MELTF: variants seen among roughly 807,000 people sequenced by gnomAD.
The protein encoded by MELTF is melanotransferrin, also known as antigen p97 (melanoma associated) identified by monoclonal antibodies 133.2 and 96.5.
A neutral mutation model predicts 83.7 loss-of-function variants in MELTF; 67 were observed. The ratio of observed to expected loss-of-function variants is 0.80; its 90% confidence interval spans 0.66 to 0.98. MELTF has a LOEUF of 0.98. Among genes scored for constraint, MELTF ranks in the 50% least tolerant of loss-of-function variants. The pLI is 0.00. For synonymous variants in MELTF, 462 were observed against 447.6 expected (o/e 1.03, Z -0.41); for missense variants, 1,002 against 1,035.6 (o/e 0.97, Z 0.44).
intron 6 of MELTF, chr3:197,019,561 G>A (rs764485439): frequency 3.6e-5 from 56 of 1,572,118 alleles, no homozygotes; most frequent in Middle Eastern, 3.4e-4. Context: ...AACATGGTGA[G>A]ACCCCCATCT....
intron 3 of MELTF, 96 bp downstream of exon 3, chr3:197,026,564 G>A (rs1487535492): frequency 9.2e-6 from 10 of 1,083,606 alleles, no homozygotes; most frequent in Non-Finnish European, 1.3e-5. Context: ...CTGTGGACAG[G>A]GCTGATGGCC....
In MELTF at chr3:197,023,111, C is replaced by G. The variant is rs768523243; in HGVS notation, c.490G>C (p.Val164Leu). The change falls in exon 5 of 16, where the codon GTC becomes CTC. Residue 164 changes from valine (V) to leucine (L), a missense_variant and splice_region_variant. Coordinates refer to ENST00000296350, the MANE Select transcript of MELTF (RefSeq NM_005929.6). ...SVMGCDVLKAVSDYFGGSCVP... is the reference protein window; with the variant it reads ...SVMGCDVLKALSDYFGGSCVP... ...CAGCTGCCCCCAAAATAGTCGCTGA[C>G]AGCTGTGGGAAGGAGGTAGAGAGGT... is the stretch of plus-strand genomic sequence containing the variant. The G allele has an allele frequency of 7.4e-6, 12 of 1,613,482 alleles. No homozygotes were observed. The African/African-American group carries it at 1.6e-4, about 22-fold the overall frequency.
intron 9 of MELTF, among the ~76,000 whole-genome samples, chr3:197,012,688 T>G (rs1719231435): frequency 6.6e-6 from 1 of 152,262 alleles, no homozygotes; most frequent in Non-Finnish European, 1.5e-5. Flanking sequence ...CAGTCCTCCC[T>G]GACTGCAGGG....
At chr3:197,019,464 T>G in intron 6 of MELTF, 1 of 1,449,466 alleles carries the variant, frequency 6.9e-7, no homozygotes, top group East Asian at 2.3e-5. Flanking sequence ...TTGAAAAAGC[T>G]GCCAGGTGCA....
chr3:197,006,750 A>G lies in MELTF; in HGVS notation c.1751-14T>C, dbSNP rs1430907218. The G allele has an allele frequency of 6.6e-7, 1 of 1,517,934 alleles. No individual in the cohort carries two copies. 94.0% of individuals were successfully genotyped at this position (1,517,934 alleles called of 1,614,324 possible). A position where few individuals can be genotyped will look rare whatever the true frequency, so the allele number is the denominator to read the frequency against. On this transcript the variant is annotated splice_polypyrimidine_tract_variant and intron_variant, in intron 13 of 15. Transcript: ENST00000296350. This position sits in a 1 kb window ranked among gnomAD's most constrained non-coding sequence, Gnocchi z 5.4. ...CGGAATTGTGGCCTGAGGGGGGTAA[A>G]GCAGTGTGTGTGGGGACGTTCCGGG...
chr3:197,015,664 C>T lies in MELTF; in HGVS notation c.1082-148G>A, dbSNP rs61483546. The T allele has an allele frequency of 5.1e-3, 4,664 of 909,232 alleles. 255 individuals are homozygous for T. The East Asian group carries it at 0.11, about 21-fold the overall frequency. The allele number at this position is 909,232 out of a possible 1,614,324, so 56.3% of individuals were successfully genotyped here. A position where few individuals can be genotyped will look rare whatever the true frequency, so the allele number is the denominator to read the frequency against. ...AACCATCGGATCCCACTTCCTCACACAGAAAAGGGGCAACTGTGAGGCCTG... is the reference window on the plus strand; with the variant it reads ...AACCATCGGATCCCACTTCCTCACATAGAAAAGGGGCAACTGTGAGGCCTG... On this transcript the variant is annotated intron_variant, in intron 8 of 15. Transcript: ENST00000296350.
rs1718871847 is a variant in MELTF at position 197,003,822 on chromosome 3, C to T, written c.2137+79G>A. On this transcript the variant is annotated intron_variant, in intron 15 of 15. Coordinates refer to ENST00000296350, the MANE Select transcript of MELTF (RefSeq NM_005929.6). This position sits in a 1 kb window ranked among gnomAD's most constrained non-coding sequence, Gnocchi z 6.2. ...TCCACCCGCCTCCCCGGACCCGCAG[C>T]GCCCCCCGCTCCCTCAGGGTTCTGG... 4.1e-6 allele frequency: 6 copies of T among 1,467,858 alleles called. No individual in the cohort carries two copies. The highest frequency in any genetic ancestry group is 5.6e-6 in the Non-Finnish European group (6 of 1,077,560). 90.9% of individuals were successfully genotyped at this position (1,467,858 alleles called of 1,614,324 possible). A position where few individuals can be genotyped will look rare whatever the true frequency, so the allele number is the denominator to read the frequency against.
At chr3:197,021,127 A>G (rs1475344674) in intron 6 of MELTF, among the ~76,000 whole-genome samples, 2 of 152,228 alleles carry the variant, frequency 1.3e-5, no homozygotes, top group Admixed American at 1.3e-4. Context: ...CCAGAACCCA[A>G]TGCCATATTC....
At chr3:197,013,117 T>G (rs1719244634) in intron 9 of MELTF, among the ~76,000 whole-genome samples, 1 of 152,204 alleles carries the variant, frequency 6.6e-6, no homozygotes. Context: ...GGACCCTGAA[T>G]AGCCAAAGCA....
rs1370899457 is a variant in MELTF, at chr3:197,008,884, A to C, written c.1607T>G (p.Val536Gly). ...CTTGTTGCGGCCCTGCTCGTCCCCC[A>C]CGCACAGTGCACACAGCGAGGAGGG... ...NYPSSLCALCVGDEQGRNKCV... is the reference protein window; with the variant it reads ...NYPSSLCALCGGDEQGRNKCV... Residue 536 changes from valine (V) to glycine (G), a missense_variant, in exon 12 of 16, where the codon GTG (valine) becomes GGG (glycine). Physicochemically the swap from Val to Gly is moderately radical, Grantham distance 109 (BLOSUM62 -3). Transcript: ENST00000296350. This position sits in a 1 kb window ranked among gnomAD's most constrained non-coding sequence, Gnocchi z 5.4. 8 of 1,614,018 alleles carry C rather than the reference A, an allele frequency of 5.0e-6. No homozygotes were observed. In the African/African-American group the frequency reaches 5.3e-5, roughly 11 times the overall value.
chr3:197,008,582 T>C lies in MELTF; in HGVS notation c.1750+75A>G. On this transcript the variant is annotated intron_variant, in intron 13 of 15. Transcript: ENST00000296350. This position sits in a 1 kb window ranked among gnomAD's most constrained non-coding sequence, Gnocchi z 5.4. The stretch of plus-strand genomic sequence containing the variant: ...GCTGCTGCTTGGCCCCAGCCCAGCA[T>C]GGTGTCTGGATGGTGCTGAAGATGG... 1 of 1,493,258 alleles carries C rather than the reference T, an allele frequency of 6.7e-7. No homozygotes were observed. The highest frequency in any genetic ancestry group is 9.2e-7 in the Non-Finnish European group (1 of 1,088,480). 92.5% of individuals were successfully genotyped at this position (1,493,258 alleles called of 1,614,324 possible).
Position 197,003,825 on chromosome 3 carries a change from C to T in MELTF, c.2137+76G>A. 3 of 1,493,904 alleles carry T rather than the reference C, an allele frequency of 2.0e-6. No individual in the cohort carries two copies. Among genetic ancestry groups the T allele is most frequent in the Non-Finnish European group, 2.7e-6 (3 of 1,098,120 alleles). The allele number at this position is 1,493,904 out of a possible 1,614,324, so 92.5% of individuals were successfully genotyped here. ...ACCCGCCTCCCCGGACCCGCAGCGCCCCCCGCTCCCTCAGGGTTCTGGGGT... is the reference window on the plus strand; with the variant it reads ...ACCCGCCTCCCCGGACCCGCAGCGCTCCCCGCTCCCTCAGGGTTCTGGGGT... On this transcript the variant is annotated intron_variant, in intron 15 of 15. Coordinates refer to ENST00000296350, the MANE Select transcript of MELTF (RefSeq NM_005929.6). The surrounding 1 kb of genome is among the most constrained non-coding windows in gnomAD (Gnocchi z 6.2).
At position 197,024,264 on chromosome 3, in the gene MELTF, G is replaced by A; in HGVS notation, c.487+39C>T. ...GAGCATGGGCCAAGGAAAGGAGGGG[G>A]AGGCCTGGGGACCCTCCTGCCCAGC... On this transcript the variant is annotated intron_variant, in intron 4 of 15. Coordinates refer to ENST00000296350, the MANE Select transcript of MELTF (RefSeq NM_005929.6). This position sits in a 1 kb window ranked among gnomAD's most constrained non-coding sequence, Gnocchi z 5.3. 1.3e-6 allele frequency: 2 copies of A among 1,512,456 alleles called. No individual in the cohort carries two copies. Among genetic ancestry groups the A allele is most frequent in the South Asian group, 2.6e-5 (2 of 76,860 alleles). 93.7% of individuals were successfully genotyped at this position (1,512,456 alleles called of 1,614,324 possible). A position where few individuals can be genotyped will look rare whatever the true frequency, so the allele number is the denominator to read the frequency against.
intron 1 of MELTF, 71 bp from the exon 2 acceptor site, chr3:197,027,981 C>T: frequency 1.3e-6 from 2 of 1,484,030 alleles, no homozygotes; most frequent in South Asian, 1.3e-5. Flanking sequence ...GAGGGTGGCT[C>T]CAGCAGTTCT....
intron 5 of MELTF, among the ~76,000 whole-genome samples, 176 bp from the exon 6 acceptor site, chr3:197,021,647 G>A (rs972171470): frequency 1.3e-5 from 2 of 152,168 alleles, no homozygotes; most frequent in Non-Finnish European, 2.9e-5. Context: ...CCGAGTTGTG[G>A]CCCCTTCCTA....
At chr3:197,004,854 C>G (rs1457987736) in intron 14 of MELTF, 1 of 152,250 alleles carries the variant, frequency 6.6e-6, no homozygotes, top group African/African-American at 2.4e-5. Context: ...CTGATGAAAG[C>G]TGTCAGCCTT....
chr3:197,009,849 C>G (rs1292836630), intron 10 of MELTF, 37 bp from the exon 11 acceptor site: 2 of 1,582,000 alleles, frequency 1.3e-6, no homozygotes, highest in Non-Finnish European at 8.7e-7. Flanking sequence ...GGCCCCTCAT[C>G]TGAGAGCCCG....
intron 5 of MELTF, among the ~76,000 whole-genome samples, chr3:197,021,714 G>C (rs1448329119): frequency 1.3e-5 from 2 of 152,208 alleles, no homozygotes; most frequent in Non-Finnish European, 2.9e-5. Context: ...GCTGCTCTGA[G>C]GATGAGAGGC....
intron 7 of MELTF, 22 bp from the exon 8 acceptor site, chr3:197,016,391 A>G: frequency 1.3e-6 from 2 of 1,524,536 alleles, no homozygotes; most frequent in South Asian, 1.3e-5. Context: ...GGGGTGTGGT[A>G]CAGGGTGGTG....
Sources: allele counts gnomAD v4.1 joint callset (sites outside exome capture counted in the v4.1 genomes callset), GRCh38; gene constraint gnomAD v4.1.1; non-coding constraint Gnocchi (gnomAD v3.1); transcripts MANE v1.5; gene names NCBI Gene and HGNC (gene_info 2026-07-23, HGNC 2026-07-21).